The following DHX57 variants were observed in gnomAD, a reference collection of about 807,000 sequenced individuals.
DHX57 encodes DExH-box helicase 57, also known as putative ATP-dependent RNA helicase DHX57.
Under a neutral mutation model 156.2 loss-of-function variants are expected in DHX57, and 105 were observed. The ratio of observed to expected loss-of-function variants is 0.67; its 90% CI spans 0.57 to 0.79. The LOEUF is 0.79. Ranked by LOEUF, DHX57 falls within the 30% of genes least tolerant of loss-of-function variation. DHX57 has a pLI of 0.00. For synonymous variants in DHX57, 704 were observed against 595.6 expected (o/e 1.18, Z -2.65); for missense variants, 1,847 against 1,661.9 (o/e 1.11, Z -1.94).
intron 23 of DHX57, among the ~76,000 whole-genome samples, chr2:38,800,998 T>G (rs1669654326): frequency 6.6e-6 from 1 of 152,202 alleles, no homozygotes; most frequent in Non-Finnish European, 1.5e-5. Context: ...TTAAAACATT[T>G]TGGATGTATT....
chr2:38,798,621 T>TA (rs1325373011), intron 23 of DHX57, among the ~76,000 whole-genome samples, 179 bp from the exon 24 acceptor site: 1 of 152,188 alleles, frequency 6.6e-6, no homozygotes, highest in East Asian at 1.9e-4. Context: ...AGGTCCATTG[T>TA]AAAAAAGTGC....
intron 21 of DHX57, 102 bp downstream of exon 21, chr2:38,813,719 G>C: frequency 1.5e-6 from 2 of 1,349,564 alleles, no homozygotes; most frequent in Non-Finnish European, 2.1e-6. Context: ...GCACACATGC[G>C]TATATATCTC....
chr2:38,868,521 C>G, intron 1 of DHX57, 110 bp from the exon 2 acceptor site: 2 of 1,124,988 alleles, frequency 1.8e-6, no homozygotes, highest in Non-Finnish European at 2.5e-6. Context: ...AAGGAAAATG[C>G]ATATGTAAAA....
chr2:38,826,301 AAG>A (rs1369314695), intron 15 of DHX57, among the ~76,000 whole-genome samples: 2 of 152,224 alleles, frequency 1.3e-5, no homozygotes, highest in African/African-American at 4.8e-5. Flanking sequence ...ACATGACAAA[AAG>A]AGAGAAAAAG....
rs1671757678 is a variant in DHX57 at position 38,837,746 on chromosome 2, A to G, written c.2542+85T>C. 6.2e-6 allele frequency: 5 copies of G among 808,142 alleles called. No homozygotes were observed. In the Admixed American group the frequency reaches 1.0e-4, roughly 16 times the overall value. The allele number at this position is 808,142 out of a possible 1,614,324, so 50.1% of individuals were successfully genotyped here. The stretch of plus-strand genomic sequence containing the variant: ...AGCCTGTGTGCAGAGTCTGCATGTA[A>G]TTCAAGCACTCATGAATAGACTCCC... On this transcript the variant is annotated intron_variant, in intron 13 of 23. Coordinates refer to ENST00000457308, the MANE Select transcript of DHX57 (RefSeq NM_198963.3).
intron 2 of DHX57, among the ~76,000 whole-genome samples, chr2:38,867,449 T>A (rs1268625072): frequency 6.6e-6 from 1 of 152,244 alleles, no homozygotes; most frequent in African/African-American, 2.4e-5. Context: ...AGATAAGGCA[T>A]CTGTTACTGG....
At chr2:38,873,705 A>C (rs1229653952) in intron 1 of DHX57, among the ~76,000 whole-genome samples, 1 of 152,244 alleles carries the variant, frequency 6.6e-6, no homozygotes, top group Non-Finnish European at 1.5e-5. Flanking sequence ...ATTATGTGCC[A>C]GATCCTGGGG....
chr2:38,861,804 G>C lies in DHX57; in HGVS notation c.606C>G (p.Val202=). 3 of 1,612,378 alleles carry C rather than the reference G, an allele frequency of 1.9e-6. No individual in the cohort carries two copies. The highest frequency in any genetic ancestry group is 2.5e-6 in the Non-Finnish European group (3 of 1,179,198). The change falls in exon 5 of 24, where the codon GTC becomes GTG. Residue 202 remains valine, a synonymous_variant. Transcript: ENST00000457308. The stretch of plus-strand genomic sequence containing the variant: ...CCACATCTCCATCACACATCCTCAG[G>C]ACCGCTTGACAGCGTTCAGTATTGA... ...YGFNTERCQA[V]LRMCDGDVGA...
chr2:38,860,353 G>A (rs763317155), intron 5 of DHX57, among the ~76,000 whole-genome samples: 14 of 152,184 alleles, frequency 9.2e-5, no homozygotes, highest in Non-Finnish European at 1.6e-4. Context: ...GGAGGCTGAG[G>A]CAGGAGAATC....
intron 16 of DHX57, among the ~76,000 whole-genome samples, chr2:38,824,160 G>A (rs1359601662): frequency 6.6e-6 from 1 of 152,164 alleles, no homozygotes; most frequent in Non-Finnish European, 1.5e-5. Flanking sequence ...TACATACAGT[G>A]GAATACTACT....
At chr2:38,867,848 G>A (rs529119277) in intron 2 of DHX57, among the ~76,000 whole-genome samples, 34 of 152,234 alleles carry the variant, frequency 2.2e-4, no homozygotes, top group African/African-American at 6.5e-4. Flanking sequence ...GTGAGCCACC[G>A]TACCTGTCCA....
At chr2:38,841,972 C>T (rs1672031542) in intron 12 of DHX57, among the ~76,000 whole-genome samples, 1 of 152,202 alleles carries the variant, frequency 6.6e-6, no homozygotes, top group African/African-American at 2.4e-5. Flanking sequence ...GTTTTAAAAT[C>T]ATGTCAAATA....
rs971540019 is a variant in DHX57, at chr2:38,802,912, T to G, written c.3820A>C (p.Arg1274=). 6.2e-7 allele frequency: 1 copy of G among 1,614,024 alleles called. No homozygotes were observed. The highest frequency in any genetic ancestry group is 1.1e-5 in the South Asian group (1 of 91,066). The change falls in exon 23 of 24, where the codon AGA becomes CGA. Residue 1274 remains arginine, a synonymous_variant. Transcript: ENST00000457308. ...IHPSSVNYQV[R]HFDSPYLLYH... ...AACAGGTAGGGGCTGTCAAAGTGTCTCACCTGTAACAAAAAACCTCAGATG... is the reference window on the plus strand; with the variant it reads ...AACAGGTAGGGGCTGTCAAAGTGTCGCACCTGTAACAAAAAACCTCAGATG...
At chr2:38,806,967 T>C (rs150561937) in intron 21 of DHX57, among the ~76,000 whole-genome samples, 21 of 152,080 alleles carry the variant, frequency 1.4e-4, no homozygotes, top group Non-Finnish European at 2.2e-4. Context: ...TATTGATATT[T>C]TGGGTCTGTA....
intron 14 of DHX57, among the ~76,000 whole-genome samples, chr2:38,827,645 G>T (rs1027904964): frequency 2.0e-5 from 3 of 150,522 alleles, no homozygotes; most frequent in African/African-American, 7.3e-5. Context: ...TACATTTTAA[G>T]GGAGTGTTCG....
intron 2 of DHX57, among the ~76,000 whole-genome samples, chr2:38,866,054 G>C (rs896626363): frequency 6.7e-6 from 1 of 148,596 alleles, no homozygotes; most frequent in Non-Finnish European, 1.5e-5. Flanking sequence ...GCTAAGCCAT[G>C]ATCCTGGTGT....
At chr2:38,810,366 A>G (rs574715952) in intron 21 of DHX57, 66 of 470,496 alleles carry the variant, frequency 1.4e-4, no homozygotes, top group Non-Finnish European at 2.1e-4. Context: ...AAATTATCAC[A>G]ACAATTAGTG....
Position 38,843,175 on chromosome 2 carries a change from G to A in DHX57, c.2255C>T (p.Ser752Phe), listed in dbSNP as rs1672100896. ...CTTTTCCTTTGAAATCTGTTTCATG[G>A]ACCGCATATATGGGCTCCCATCCTG... ...VLQDGSPYMRSMKQISKEKLK... is the reference protein window; with the variant it reads ...VLQDGSPYMRFMKQISKEKLK... Residue 752 changes from serine (S) to phenylalanine (F), a missense_variant, in exon 12 of 24, where the codon TCC (serine) becomes TTC (phenylalanine). Physicochemically the swap from Ser to Phe is radical, Grantham distance 155 (BLOSUM62 -2). Coordinates refer to ENST00000457308, the MANE Select transcript of DHX57 (RefSeq NM_198963.3). 1 of 1,613,990 alleles carries A rather than the reference G, an allele frequency of 6.2e-7. No homozygotes were observed. The highest frequency in any genetic ancestry group is 1.1e-5 in the South Asian group (1 of 91,086).
In DHX57 at chr2:38,825,937, T is replaced by C; in HGVS notation, c.2924A>G (p.His975Arg). The change falls in exon 16 of 24, where the codon CAT becomes CGT. Residue 975 changes from histidine (H) to arginine (R), a missense_variant. Coordinates refer to ENST00000457308, the MANE Select transcript of DHX57 (RefSeq NM_198963.3). ...ATTGTAGTGATGGCTAGTGAATAAATGGAAGCAGACCCCAGATGCAACACG... is the reference window on the plus strand; with the variant it reads ...ATTGTAGTGATGGCTAGTGAATAAACGGAAGCAGACCCCAGATGCAACACG... The part of the protein sequence containing the change: ...AGRVASGVCF[H>R]LFTSHHYNHQ... 1.9e-6 allele frequency: 3 copies of C among 1,614,198 alleles called. No individual in the cohort carries two copies. The highest frequency in any genetic ancestry group is 2.5e-6 in the Non-Finnish European group (3 of 1,180,034).
Sources: allele counts gnomAD v4.1 joint callset (sites outside exome capture counted in the v4.1 genomes callset), GRCh38; gene constraint gnomAD v4.1.1; transcripts MANE v1.5; gene names NCBI Gene and HGNC (gene_info 2026-07-23, HGNC 2026-07-21).